Variants in GRIN2A observed in about 807,000 individuals in gnomAD.
The protein encoded by GRIN2A is glutamate receptor ionotropic, NMDA 2A.
A neutral mutation model predicts 113.4 loss-of-function variants in GRIN2A; 22 were observed. That is an observed-to-expected ratio of 0.19 (90% CI 0.14 to 0.28). The LOEUF is 0.28. GRIN2A is among the 10% of genes least tolerant of loss of function. GRIN2A has a pLI of 1.00. For synonymous variants in GRIN2A, 827 were observed against 738.4 expected (o/e 1.12, Z -1.94); for missense variants, 1,502 against 1,887.0 (o/e 0.80, Z 3.78).
intron 2 of GRIN2A, among the ~76,000 whole-genome samples, chr16:10,118,694 T>C (rs2048774492): frequency 1.3e-5 from 2 of 152,210 alleles, no homozygotes; most frequent in African/African-American, 2.4e-5. Context: ...CATCTTAAAC[T>C]GTGCAGAAAG....
chr16:9,783,582 G>A (rs1407646324), intron 11 of GRIN2A, among the ~76,000 whole-genome samples: 4 of 152,112 alleles, frequency 2.6e-5, no homozygotes, highest in South Asian at 2.1e-4. Context: ...GTGGACTAAC[G>A]CTTAGAAGTG....
At chr16:9,969,368 G>C (rs1021788829) in intron 2 of GRIN2A, among the ~76,000 whole-genome samples, 1 of 151,866 alleles carries the variant, frequency 6.6e-6, no homozygotes, top group African/African-American at 2.4e-5. Context: ...TTCTTCACTC[G>C]CCACTTAATG....
chr16:9,995,200 G>C (rs1316806978), intron 2 of GRIN2A, among the ~76,000 whole-genome samples: 1 of 152,152 alleles, frequency 6.6e-6, no homozygotes, highest in Admixed American at 6.5e-5. Context: ...TGAATTATAA[G>C]AAATCAGCCC....
In GRIN2A at chr16:9,763,248, A is replaced by C; in HGVS notation, c.4296T>G (p.Ala1432=). ...VYISEHVMPY[A]ANKNNMYSTP... ...TAGAGTACATATTATTCTTATTTGCAGCATAAGGCATAACATGCTCCGAAA... is the reference window on the plus strand; with the variant it reads ...TAGAGTACATATTATTCTTATTTGCCGCATAAGGCATAACATGCTCCGAAA... Residue 1432 remains alanine (A), a synonymous_variant, in exon 13 of 13, where the codon GCT becomes GCG. Transcript: ENST00000330684. The C allele has an allele frequency of 6.2e-7, 1 of 1,614,128 alleles. No homozygotes were observed. The highest frequency in any genetic ancestry group is 8.5e-7 in the Non-Finnish European group (1 of 1,179,978).
intron 3 of GRIN2A, among the ~76,000 whole-genome samples, chr16:9,934,710 A>G (rs1596614162): frequency 1.5e-5 from 2 of 129,402 alleles, no homozygotes; most frequent in Admixed American, 7.8e-5. Flanking sequence ...AAAAAAGGAG[A>G]TATAATCCTT....
intron 2 of GRIN2A, among the ~76,000 whole-genome samples, chr16:10,038,226 G>C (rs771284161): frequency 1.3e-5 from 2 of 151,966 alleles, no homozygotes; most frequent in African/African-American, 2.4e-5. Context: ...AGAGATTTTT[G>C]CCTTGCCTGG....
intron 10 of GRIN2A, among the ~76,000 whole-genome samples, chr16:9,818,021 CT>C (rs959181438): frequency 3.2e-4 from 47 of 145,214 alleles, no homozygotes; most frequent in Admixed American, 1.4e-3. Context: ...ACGAGAATGA[CT>C]TTTTTTTTTT....
intron 3 of GRIN2A, among the ~76,000 whole-genome samples, chr16:9,897,221 A>ATGTACATATTTTATATATAT (rs60188583): frequency 0.032 from 4,787 of 149,242 alleles, 271 homozygotes; most frequent in African/African-American, 0.11. Context: ...TTATATATAT[A>ATGTACATATTTTATATATAT]AAAAAATACA....
chr16:9,802,860 C>T (rs1030129094), intron 10 of GRIN2A, among the ~76,000 whole-genome samples: 9 of 152,160 alleles, frequency 5.9e-5, no homozygotes, highest in Non-Finnish European at 1.0e-4. Context: ...GGGGGTCCCA[C>T]GTGCCTATGG....
chr16:9,939,793 T>G (rs917097217), intron 2 of GRIN2A, among the ~76,000 whole-genome samples: 2 of 152,150 alleles, frequency 1.3e-5, no homozygotes, highest in African/African-American at 4.8e-5. Context: ...TTAAACCACG[T>G]TGTTGACTTG....
chr16:10,087,938 C>T (rs980458220), intron 2 of GRIN2A, among the ~76,000 whole-genome samples: 3 of 151,076 alleles, frequency 2.0e-5, no homozygotes, highest in Admixed American at 6.6e-5. Context: ...AATCTGCCCA[C>T]CTCGGCCTCC....
chr16:9,828,868 C>G (rs964996419), intron 9 of GRIN2A, among the ~76,000 whole-genome samples: 6 of 152,198 alleles, frequency 3.9e-5, no homozygotes, highest in African/African-American at 1.4e-4. Flanking sequence ...AAAAAACTCT[C>G]TGCTCCTTTT....
chr16:9,847,466 G>A (rs1034176353), intron 5 of GRIN2A, among the ~76,000 whole-genome samples: 46 of 151,996 alleles, frequency 3.0e-4, no homozygotes, highest in African/African-American at 1.1e-3. Context: ...TCAGGAGGTT[G>A]AGGTGAGAAG....
In GRIN2A at chr16:9,763,622, A is replaced by G. The variant is rs2141128441; in HGVS notation, c.3922T>C (p.Ser1308Pro). The G allele has an allele frequency of 6.2e-7, 1 of 1,613,078 alleles. No individual in the cohort carries two copies. The highest frequency in any genetic ancestry group is 2.2e-5 in the East Asian group (1 of 44,870). Residue 1308 changes from serine to proline, a missense_variant, in exon 13 of 13, where the codon TCC (serine) becomes CCC (proline). Ser to Pro is a moderately conservative substitution (Grantham distance 74). Coordinates refer to ENST00000330684, the MANE Select transcript of GRIN2A (RefSeq NM_001134407.3). ...CTGTCCTTGAGGCTTATGCTCCGGG[A>G]GGGCCTGCTAAGGTCTAGCTCCCTA... is the stretch of plus-strand genomic sequence containing the variant. ...KPRELDLSRP[S>P]RSISLKDRER...
intron 2 of GRIN2A, among the ~76,000 whole-genome samples, chr16:10,049,321 A>G (rs543991381): frequency 6.6e-6 from 1 of 152,148 alleles, no homozygotes; most frequent in South Asian, 2.1e-4. Context: ...TAGACTCATT[A>G]TCTCAAATGC....
intron 3 of GRIN2A, among the ~76,000 whole-genome samples, chr16:9,905,625 G>A (rs1333016104): frequency 2.0e-5 from 3 of 152,108 alleles, no homozygotes; most frequent in South Asian, 2.1e-4. Context: ...TACAGTTCAC[G>A]GGACTGCATC....
At chr16:10,039,792 G>C (rs917002396) in intron 2 of GRIN2A, among the ~76,000 whole-genome samples, 2 of 78,098 alleles carry the variant, frequency 2.6e-5, no homozygotes, top group African/African-American at 1.1e-4. Context: ...GAGGGGGAGG[G>C]GGAGGGGGAG....
At chr16:9,846,670 A>G (rs1430680074) in intron 5 of GRIN2A, among the ~76,000 whole-genome samples, 2 of 152,140 alleles carry the variant, frequency 1.3e-5, no homozygotes, top group East Asian at 3.8e-4. Flanking sequence ...CAAACTATAC[A>G]CTGTAAAGAC....
intron 3 of GRIN2A, among the ~76,000 whole-genome samples, chr16:9,911,782 AG>A (rs1284705840): frequency 6.6e-6 from 1 of 152,238 alleles, no homozygotes; most frequent in Non-Finnish European, 1.5e-5. Flanking sequence ...ATAATTCTAC[AG>A]AAAAAAACCT....
Sources: allele counts gnomAD v4.1 joint callset (sites outside exome capture counted in the v4.1 genomes callset), GRCh38; gene constraint gnomAD v4.1.1; transcripts MANE v1.5; gene names NCBI Gene and HGNC (gene_info 2026-07-23, HGNC 2026-07-21).